FAM222B: variants seen among roughly 807,000 people sequenced by gnomAD.
FAM222B encodes the protein protein FAM222B.
In FAM222B, 12 loss-of-function variants were observed where a neutral mutation model predicts 38.0. The observed-to-expected ratio is 0.32, with a 90% CI of 0.20 to 0.51. The LOEUF (loss-of-function observed/expected upper bound fraction) is 0.51. Among genes scored for constraint, FAM222B ranks in the 20% least tolerant of loss-of-function variants. The pLI, the probability that FAM222B is intolerant of heterozygous loss-of-function variation, is 0.97. For synonymous variants in FAM222B, 329 were observed against 317.2 expected, an observed-to-expected ratio of 1.04 and a Z score of -0.40; for missense variants, 716 against 754.2, an observed-to-expected ratio of 0.95 and a Z score of 0.59.
intron 1 of FAM222B, among the ~76,000 whole-genome samples, chr17:28,787,968 G>C (rs551202856): frequency 1.3e-5 from 2 of 151,888 alleles, no homozygotes; most frequent in Non-Finnish European, 2.9e-5. Context: ...AGGATTACAG[G>C]AATGTGCCAC....
At chr17:28,770,720 G>A (rs572063716) in intron 1 of FAM222B, among the ~76,000 whole-genome samples, 3 of 152,008 alleles carry the variant, frequency 2.0e-5, no homozygotes, top group Non-Finnish European at 4.4e-5. Flanking sequence ...ACAGGCGCCC[G>A]CCATCATGCC....
chr17:28,763,920 A>C (rs1268823010), intron 2 of FAM222B, among the ~76,000 whole-genome samples: 6 of 152,186 alleles, frequency 3.9e-5, no homozygotes, highest in Non-Finnish European at 7.3e-5. Context: ...GCACATAAAG[A>C]AGCAGTAAAA....
chr17:28,825,064 T>C (rs900710775), intron 1 of FAM222B, among the ~76,000 whole-genome samples: 6 of 151,672 alleles, frequency 4.0e-5, no homozygotes, highest in African/African-American at 1.2e-4. Context: ...GTGCCCGCAC[T>C]ACAATCCATT....
intron 1 of FAM222B, among the ~76,000 whole-genome samples, chr17:28,840,017 T>A (rs550995393): frequency 6.6e-6 from 1 of 151,986 alleles, no homozygotes; most frequent in Non-Finnish European, 1.5e-5. Context: ...AAGGTCTCAA[T>A]CCTCAGAGTC....
chr17:28,759,276 T>C lies in FAM222B; in HGVS notation c.683A>G (p.His228Arg). 6.2e-7 allele frequency: 1 copy of C among 1,613,220 alleles called. No individual in the cohort carries two copies. The highest frequency in any genetic ancestry group is 8.5e-7 in the Non-Finnish European group (1 of 1,179,676). The change falls in exon 3 of 3, where the codon CAT (histidine) becomes CGT (arginine). Residue 228 changes from histidine to arginine, a missense_variant. By Grantham distance (29) the His-to-Arg change is conservative (BLOSUM62 0). Transcript: ENST00000581407. The surrounding 1 kb of genome is among the most constrained non-coding windows in gnomAD (Gnocchi z 4.8). ...GLQHPHNPLL[H>R]GGRKMPDSDA... is the part of the protein sequence containing the mutation. ...TGAGTCTGGCATCTTCCGGCCTCCA[T>C]GCAGCAAGGGATTGTGGGGGTGCTG...
At chr17:28,793,293 A>AAC (rs1375337190) in intron 1 of FAM222B, among the ~76,000 whole-genome samples, 1 of 152,098 alleles carries the variant, frequency 6.6e-6, no homozygotes, top group Non-Finnish European at 1.5e-5. Flanking sequence ...ACACATCCAG[A>AAC]ACCTCAAGTG....
intron 1 of FAM222B, among the ~76,000 whole-genome samples, chr17:28,809,046 C>T (rs915013653): frequency 1.3e-5 from 2 of 152,004 alleles, no homozygotes; most frequent in African/African-American, 2.4e-5. Context: ...CATTCCAAGC[C>T]GTGACTCACA....
At chr17:28,761,058 C>T (rs1222809433) in intron 2 of FAM222B, among the ~76,000 whole-genome samples, 1 of 152,180 alleles carries the variant, frequency 6.6e-6, no homozygotes, top group Non-Finnish European at 1.5e-5. Flanking sequence ...TGTATTTGGT[C>T]CATGTCAGCT....
chr17:28,852,660 A>G (rs1180243919), intron 1 of FAM222B, among the ~76,000 whole-genome samples: 1 of 152,120 alleles, frequency 6.6e-6, no homozygotes, highest in Non-Finnish European at 1.5e-5. Context: ...CTCTTAAAAA[A>G]GAAAAGAAAA....
chr17:28,852,625 C>T (rs941662471), intron 1 of FAM222B, among the ~76,000 whole-genome samples: 2 of 151,900 alleles, frequency 1.3e-5, no homozygotes, highest in Non-Finnish European at 2.9e-5. Context: ...GAGCCAGACT[C>T]CATCTCAGTA....
intron 1 of FAM222B, among the ~76,000 whole-genome samples, chr17:28,775,693 C>T (rs573736018): frequency 3.5e-4 from 53 of 151,604 alleles, no homozygotes; most frequent in Non-Finnish European, 6.5e-4. Context: ...CCAGCCTGGC[C>T]AACATGGTGA....
At chr17:28,817,795 A>G (rs2038077002) in intron 1 of FAM222B, among the ~76,000 whole-genome samples, 1 of 152,140 alleles carries the variant, frequency 6.6e-6, no homozygotes, top group Non-Finnish European at 1.5e-5. Context: ...TTGGGAGACT[A>G]TGGATATGGG....
intron 1 of FAM222B, among the ~76,000 whole-genome samples, chr17:28,839,650 C>T (rs2038965991): frequency 6.6e-6 from 1 of 152,110 alleles, no homozygotes; most frequent in Non-Finnish European, 1.5e-5. Context: ...ATACTCTACT[C>T]CATGTAGTAG....
chr17:28,847,549 G>A (rs1424105385), upstream of FAM222B, among the ~76,000 whole-genome samples: 1 of 151,982 alleles, frequency 6.6e-6, no homozygotes, highest in Non-Finnish European at 1.5e-5. Context: ...AGCCGAGATC[G>A]TGCCACTGCA....
chr17:28,768,350 T>C (rs543792056), intron 1 of FAM222B, among the ~76,000 whole-genome samples: 1 of 152,258 alleles, frequency 6.6e-6, no homozygotes, highest in African/African-American at 2.4e-5. Flanking sequence ...ACCAGGTAGC[T>C]GAAAAGACAC....
intron 1 of FAM222B, among the ~76,000 whole-genome samples, chr17:28,769,104 G>A (rs1489830533): frequency 6.7e-6 from 1 of 149,648 alleles, no homozygotes; most frequent in Non-Finnish European, 1.5e-5. Flanking sequence ...ATTACTATTA[G>A]CCTTCTAAAT....
chr17:28,761,457 G>A (rs2151764066), intron 2 of FAM222B, among the ~76,000 whole-genome samples: 1 of 152,360 alleles, frequency 6.6e-6, no homozygotes, highest in South Asian at 2.1e-4. Flanking sequence ...AAAGGCAGGA[G>A]GATAGGCCAA....
intron 1 of FAM222B, among the ~76,000 whole-genome samples, chr17:28,816,482 G>A (rs1248135137): frequency 2.0e-5 from 3 of 151,948 alleles, no homozygotes; most frequent in African/African-American, 7.2e-5. Context: ...CCTCTAGACT[G>A]ATCAGTTTGC....
At chr17:28,828,234 C>T (rs2152604445) in intron 1 of FAM222B, among the ~76,000 whole-genome samples, 1 of 150,230 alleles carries the variant, frequency 6.7e-6, no homozygotes, top group Admixed American at 6.7e-5. Flanking sequence ...CCGCAGCCTC[C>T]TGAGTAGCTA....
Sources: allele counts gnomAD v4.1 joint callset (sites outside exome capture counted in the v4.1 genomes callset), GRCh38; gene constraint gnomAD v4.1.1; non-coding constraint Gnocchi (gnomAD v3.1); transcripts MANE v1.5; gene names NCBI Gene and HGNC (gene_info 2026-07-23, HGNC 2026-07-21).